BCL11A: variants seen among roughly 807,000 people sequenced by gnomAD.
BCL11A encodes B cell CLL/lymphoma 11A.
In BCL11A, 2 loss-of-function variants were observed where a neutral mutation model predicts 55.9. That is an observed-to-expected ratio of 0.04 (90% CI 0.01 to 0.11). The LOEUF is 0.11. Among genes scored for constraint, BCL11A ranks in the 10% least tolerant of loss-of-function variants. The pLI, the probability that BCL11A is intolerant of heterozygous loss-of-function variation, is 1.00. For synonymous variants in BCL11A, 465 were observed against 473.4 expected (o/e 0.98, Z 0.23); for missense variants, 817 against 1,137.1 (o/e 0.72, Z 4.05).
intron 2 of BCL11A, among the ~76,000 whole-genome samples, chr2:60,487,242 A>G (rs987218733): frequency 6.6e-6 from 1 of 152,126 alleles, no homozygotes; most frequent in Non-Finnish European, 1.5e-5. Flanking sequence ...AAACTCCCTA[A>G]CCTATATTTT....
intron 2 of BCL11A, among the ~76,000 whole-genome samples, chr2:60,496,396 C>T (rs933536848): frequency 1.3e-5 from 2 of 152,186 alleles, no homozygotes; most frequent in Non-Finnish European, 2.9e-5. Flanking sequence ...AACCATTTCC[C>T]AGGCAGAGAC....
In BCL11A at chr2:60,460,310, A is replaced by C; in HGVS notation, c.*94T>G. 6.7e-7 allele frequency: 1 copy of C among 1,500,148 alleles called. No individual in the cohort carries two copies. Among genetic ancestry groups the C allele is most frequent in the South Asian group, 1.4e-5 (1 of 71,594 alleles). The allele number at this position is 1,500,148 out of a possible 1,614,324, so 92.9% of individuals were successfully genotyped here. ...TTAAATCACATGGGACTAGAAAAAAATCCTACAGGGAGTGGGGCTGGAGGG... is the reference window on the plus strand; with the variant it reads ...TTAAATCACATGGGACTAGAAAAAACTCCTACAGGGAGTGGGGCTGGAGGG... On this transcript the variant is annotated 3_prime_UTR_variant, in exon 4 of 4. Transcript: ENST00000642384.
At chr2:60,475,837 C>T (rs576449114) in intron 2 of BCL11A, among the ~76,000 whole-genome samples, 2 of 152,288 alleles carry the variant, frequency 1.3e-5, no homozygotes, top group South Asian at 4.1e-4. Flanking sequence ...CACCACTCCC[C>T]GGATTCTTTT....
rs943281672 is a variant in BCL11A at position 60,460,383 on chromosome 2, G to A, written c.*21C>T. 1.3e-6 allele frequency: 2 copies of A among 1,566,546 alleles called. No individual in the cohort carries two copies. Among genetic ancestry groups the A allele is most frequent in the Non-Finnish European group, 1.7e-6 (2 of 1,149,662 alleles). On this transcript the variant is annotated 3_prime_UTR_variant, in exon 4 of 4. Transcript: ENST00000642384. Reference sequence around the variant, plus strand: ...AAAAGGGGGTGTCAGGTGGGAGTGAGGGAGGGGTATTAATATACCTCTATT... The same window carrying A: ...AAAAGGGGGTGTCAGGTGGGAGTGAAGGAGGGGTATTAATATACCTCTATT...
At chr2:60,530,949 G>A (rs757872908) in intron 2 of BCL11A, among the ~76,000 whole-genome samples, 1 of 152,126 alleles carries the variant, frequency 6.6e-6, no homozygotes, top group African/African-American at 2.4e-5. Flanking sequence ...AGTTCAGGGC[G>A]CACCCTGGGA....
chr2:60,467,813 C>CTGGTGGTGATGGTGG (rs1676886571), intron 3 of BCL11A, among the ~76,000 whole-genome samples: 1 of 46,796 alleles, frequency 2.1e-5, no homozygotes, highest in East Asian at 1.1e-3. Flanking sequence ...GGTGATGGTA[C>CTGGTGGTGATGGTGG]TGGTGGTGAT....
chr2:60,465,299 A>G (rs1676532490), intron 3 of BCL11A, among the ~76,000 whole-genome samples: 1 of 152,246 alleles, frequency 6.6e-6, no homozygotes, highest in East Asian at 1.9e-4. Context: ...AATTAGGGCT[A>G]CATTGATTTA....
intron 2 of BCL11A, among the ~76,000 whole-genome samples, chr2:60,505,550 G>A (rs1340098977): frequency 6.6e-6 from 1 of 152,170 alleles, no homozygotes; most frequent in African/African-American, 2.4e-5. Context: ...TTACCTTCTT[G>A]TCCAACCCAG....
chr2:60,462,025 G>A lies in BCL11A; in HGVS notation c.887C>T (p.Ala296Val), dbSNP rs2103856478. The A allele has an allele frequency of 6.2e-7, 1 of 1,611,518 alleles. No individual in the cohort carries two copies. Among genetic ancestry groups the A allele is most frequent in the Non-Finnish European group, 8.5e-7 (1 of 1,179,076 alleles). ...EMALATHHPS[A>V]FDRVLRLNPM... ...ATTCAACCGCAGCACCCTGTCAAAG[G>A]CACTCGGGTGATGGGTGGCCAGGGC... Residue 296 changes from alanine to valine, a missense_variant, in exon 4 of 4, where the codon GCC becomes GTC. By Grantham distance (64) the Ala-to-Val change is moderately conservative. Around this residue, in one of 4 missense-constraint regions of BCL11A, gnomAD observed 363 missense variants for 486.6 expected, o/e 0.75. Transcript: ENST00000642384.
chr2:60,480,534 C>T (rs541266088), intron 2 of BCL11A, among the ~76,000 whole-genome samples: 1 of 152,312 alleles, frequency 6.6e-6, no homozygotes, highest in African/African-American at 2.4e-5. Context: ...GTAAATGATT[C>T]ACTAACCAAG....
chr2:60,458,210 C>T lies in BCL11A; in HGVS notation c.*2194G>A. 2.0e-6 allele frequency: 2 copies of T among 1,023,558 alleles called. No individual in the cohort carries two copies. Among genetic ancestry groups the T allele is most frequent in the Non-Finnish European group, 2.3e-6 (2 of 852,060 alleles). The allele number at this position is 1,023,558 out of a possible 1,614,324, so 63.4% of individuals were successfully genotyped here. On this transcript the variant is annotated 3_prime_UTR_variant, in exon 4 of 4. Transcript: ENST00000642384. ...CATAAATGTATTTTAGCATAGGAAT[C>T]AACATGAGTGTGCATTTTCCTATAT...
rs769470520 is a variant in BCL11A at position 60,461,085 on chromosome 2, C to A, written c.1827G>T (p.Pro609=). Residue 609 remains proline (P), a synonymous_variant, in exon 4 of 4, where the codon CCG becomes CCT. Transcript: ENST00000642384. ...DGTVNGRGCS[P]GESASGGLSK... ...ACAGGCCCCCCGAGGCCGACTCGCC[C>A]GGGGAGCAGCCGCGGCCATTAACAG... The A allele has an allele frequency of 6.2e-7, 1 of 1,602,154 alleles. No homozygotes were observed. Among genetic ancestry groups the A allele is most frequent in the Non-Finnish European group, 8.5e-7 (1 of 1,173,710 alleles).
At chr2:60,509,504 C>T (rs1013504848) in intron 2 of BCL11A, among the ~76,000 whole-genome samples, 10 of 152,222 alleles carry the variant, frequency 6.6e-5, no homozygotes, top group Admixed American at 2.6e-4. Context: ...ATGCAGCTTC[C>T]AACCCATTCC....
intron 2 of BCL11A, among the ~76,000 whole-genome samples, chr2:60,530,170 G>A (rs182381979): frequency 6.6e-6 from 1 of 152,118 alleles, no homozygotes; most frequent in Admixed American, 6.5e-5. Context: ...TTTGCCATCG[G>A]TCCTGGGTCC....
chr2:60,551,218 C>T (rs1385563922), intron 1 of BCL11A, among the ~76,000 whole-genome samples: 1 of 152,214 alleles, frequency 6.6e-6, no homozygotes, highest in Non-Finnish European at 1.5e-5. Flanking sequence ...TGCTGCCAAA[C>T]TTTCCTAAGT....
chr2:60,488,383 T>A (rs911829948), intron 2 of BCL11A, among the ~76,000 whole-genome samples: 1 of 152,210 alleles, frequency 6.6e-6, no homozygotes, highest in East Asian at 1.9e-4. Context: ...TTTGACAGCA[T>A]TTAAAGATGA....
chr2:60,484,903 G>A (rs1678180341), intron 2 of BCL11A, among the ~76,000 whole-genome samples: 1 of 149,924 alleles, frequency 6.7e-6, no homozygotes, highest in South Asian at 2.1e-4. Context: ...AAACTTGTGT[G>A]CTCCAAATTT....
chr2:60,496,089 C>T (rs530080862), intron 2 of BCL11A, among the ~76,000 whole-genome samples: 51 of 152,268 alleles, frequency 3.3e-4, no homozygotes, highest in African/African-American at 1.2e-3. Flanking sequence ...TTAGGATAAC[C>T]GGAGGGGAGA....
rs1187859717 is a variant in BCL11A at position 60,530,697 on chromosome 2, G to GA, written c.385+15273dup. Among the ~76,000 whole-genome samples the GA allele has an allele frequency of 1.6e-3, 232 of 145,570 alleles. 1 individual carries two copies. The highest frequency in any genetic ancestry group is 0.013 in the East Asian group (63 of 5,032). ...ATTTAAAAAAGAAAGAAAGAAAAAG[G>GA]AAAAAAAAAACACTGAAAAGGCTTG... On this transcript the variant is annotated intron_variant, in intron 2 of 3. Coordinates refer to ENST00000642384, the MANE Select transcript of BCL11A (RefSeq NM_022893.4).
Sources: allele counts gnomAD v4.1 joint callset (sites outside exome capture counted in the v4.1 genomes callset), GRCh38; gene constraint gnomAD v4.1.1; regional missense constraint gnomAD v4.1.1; transcripts MANE v1.5; gene names NCBI Gene and HGNC (gene_info 2026-07-23, HGNC 2026-07-21).